CTDP1: variants seen among roughly 807,000 people sequenced by gnomAD.
CTDP1 encodes the protein RNA polymerase II subunit A C-terminal domain phosphatase.
A neutral mutation model predicts 91.8 loss-of-function variants in CTDP1; 47 were observed. The ratio of observed to expected loss-of-function variants is 0.51; its 90% CI spans 0.41 to 0.65. The LOEUF (loss-of-function observed/expected upper bound fraction) is 0.65. Among genes scored for constraint, CTDP1 ranks in the 30% least tolerant of loss-of-function variants. CTDP1 has a pLI of 0.00. For synonymous variants in CTDP1, 656 were observed against 598.5 expected (o/e 1.10, Z -1.40); for missense variants, 1,272 against 1,373.7 (o/e 0.93, Z 1.17).
At position 79,715,221 on chromosome 18, in the gene CTDP1, T is replaced by C. The variant is rs1599254666; in HGVS notation, c.1761T>C (p.Asp587=). The change falls in exon 8 of 13, where the codon GAT becomes GAC. Residue 587 remains aspartate (D), a synonymous_variant. Transcript: ENST00000613122. ...AGGAGGAGGAGGACACGGATGAGGA[T>C]GACCACCTCATCTACCTGGAGGAGA... ...EEEEEEDTDE[D]DHLIYLEEIL... 1.2e-6 allele frequency: 2 copies of C among 1,610,820 alleles called. No homozygotes were observed. Among genetic ancestry groups the C allele is most frequent in the East Asian group, 4.5e-5 (2 of 44,738 alleles).
At chr18:79,716,147 TC>T (rs1285054668) in intron 8 of CTDP1, among the ~76,000 whole-genome samples, 3 of 152,196 alleles carry the variant, frequency 2.0e-5, no homozygotes, top group African/African-American at 7.2e-5. Context: ...GTGAAAATGC[TC>T]CCATAAGCAC....
chr18:79,738,341 T>G (rs962632610), intron 12 of CTDP1, among the ~76,000 whole-genome samples: 3 of 152,250 alleles, frequency 2.0e-5, no homozygotes, highest in Admixed American at 6.5e-5. Flanking sequence ...TACAGACTTG[T>G]GTCCCGAGGA....
intron 10 of CTDP1, among the ~76,000 whole-genome samples, chr18:79,726,817 G>T (rs2073892555): frequency 7.1e-6 from 1 of 141,718 alleles, no homozygotes. Context: ...GCTGTTGCTG[G>T]TGGACGGCTG....
chr18:79,722,973 C>A (rs1176050872), intron 10 of CTDP1, among the ~76,000 whole-genome samples: 1 of 152,198 alleles, frequency 6.6e-6, no homozygotes, highest in African/African-American at 2.4e-5. Context: ...CCAAGAGTCC[C>A]CCCTGCTTGT....
At chr18:79,743,023 AT>A (rs2086809799) in intron 12 of CTDP1, among the ~76,000 whole-genome samples, 1 of 152,206 alleles carries the variant, frequency 6.6e-6, no homozygotes, top group Admixed American at 6.5e-5. Context: ...GAGATGTAAC[AT>A]TTGCCAGTAG....
chr18:79,697,010 GTCTA>G (rs975835340), intron 3 of CTDP1, among the ~76,000 whole-genome samples: 3 of 152,222 alleles, frequency 2.0e-5, no homozygotes, highest in Non-Finnish European at 4.4e-5. Context: ...ACCAATTTCA[GTCTA>G]TCTTTTTATG....
intron 12 of CTDP1, among the ~76,000 whole-genome samples, chr18:79,747,940 A>G (rs2086913860): frequency 6.6e-6 from 1 of 152,218 alleles, no homozygotes; most frequent in South Asian, 2.1e-4. Flanking sequence ...GTGACAGCCC[A>G]GTGTGTTTGG....
intron 10 of CTDP1, among the ~76,000 whole-genome samples, chr18:79,720,209 AGGCGTCCT>A (rs1357933248): frequency 7.1e-6 from 1 of 140,224 alleles, no homozygotes; most frequent in Non-Finnish European, 1.5e-5. Context: ...GTCGTTAGGA[AGGCGTCCT>A]GGTGATGCTG....
At chr18:79,746,182 T>A (rs1337471305) in intron 12 of CTDP1, among the ~76,000 whole-genome samples, 1 of 15,186 alleles carries the variant, frequency 6.6e-5, no homozygotes, top group African/African-American at 2.8e-4. Flanking sequence ...GCGCGTTCTG[T>A]CCCCGCGTCC....
intron 5 of CTDP1, among the ~76,000 whole-genome samples, chr18:79,707,509 G>A (rs191026531): frequency 9.5e-4 from 145 of 152,352 alleles, no homozygotes; most frequent in African/African-American, 3.2e-3. Flanking sequence ...TCACCGGGCC[G>A]TCTGGTGCCT....
At chr18:79,710,796 T>C (rs2086067524) in intron 6 of CTDP1, among the ~76,000 whole-genome samples, 1 of 144,314 alleles carries the variant, frequency 6.9e-6, no homozygotes, top group Admixed American at 7.4e-5. Context: ...TCTTCCCGCC[T>C]CAGCCTCCCA....
At chr18:79,719,766 CCAT>C (rs1420854103) in intron 10 of CTDP1, among the ~76,000 whole-genome samples, 1 of 146,868 alleles carries the variant, frequency 6.8e-6, no homozygotes. Context: ...CTGTCACCTC[CCAT>C]CATTAGGAAG....
At chr18:79,688,399 G>A (rs143642872) in intron 1 of CTDP1, among the ~76,000 whole-genome samples, 54 of 152,320 alleles carry the variant, frequency 3.5e-4, no homozygotes, top group African/African-American at 1.2e-3. Context: ...TGAGTAGCTG[G>A]GATTACAGGT....
chr18:79,714,699 C>A lies in CTDP1; in HGVS notation c.1239C>A (p.Pro413=). Residue 413 remains proline, a synonymous_variant, in exon 8 of 13, where the codon CCC becomes CCA. Transcript: ENST00000613122. ...ERDIWPPAQA[P]TSSQELAGAP... ...ACATCTGGCCCCCTGCCCAGGCCCC[C>A]ACCAGCAGCCAAGAGCTGGCAGGCG... 6.2e-7 allele frequency: 1 copy of A among 1,608,776 alleles called. No homozygotes were observed. Among genetic ancestry groups the A allele is most frequent in the Non-Finnish European group, 8.5e-7 (1 of 1,178,100 alleles).
In CTDP1 at chr18:79,722,057, C is replaced by T. The variant is rs79056705; in HGVS notation, c.2417+4041C>T. 6.5e-3 allele frequency among the ~76,000 whole-genome samples: 993 copies of T among 152,276 alleles called. 45 individuals are homozygous for T. The East Asian group carries it at 0.12, about 18-fold the overall frequency. On this transcript the variant is annotated intron_variant, in intron 10 of 12. Transcript: ENST00000613122. ...GAGGTTGGTCTCAAGCTCCTGTCCT[C>T]ATTGTCTTAAACTACATAAAGTGGT...
chr18:79,699,329 T>G (rs1400793813), intron 4 of CTDP1, among the ~76,000 whole-genome samples: 1 of 152,148 alleles, frequency 6.6e-6, no homozygotes. Flanking sequence ...GGCAGGATCT[T>G]GGCTCACTGC....
chr18:79,738,605 G>A (rs545504442), intron 12 of CTDP1, among the ~76,000 whole-genome samples: 2 of 152,352 alleles, frequency 1.3e-5, no homozygotes, highest in South Asian at 2.1e-4. Context: ...AGGCTCTCCT[G>A]TAGGTGAATA....
chr18:79,702,237 G>C (rs1365738764), intron 4 of CTDP1, among the ~76,000 whole-genome samples: 1 of 152,162 alleles, frequency 6.6e-6, no homozygotes, highest in Non-Finnish European at 1.5e-5. Flanking sequence ...GCCACCCCCA[G>C]CCTTCAGTAA....
chr18:79,737,382 C>G (rs1472291260), intron 12 of CTDP1, among the ~76,000 whole-genome samples: 1 of 152,158 alleles, frequency 6.6e-6, no homozygotes, highest in African/African-American at 2.4e-5. Flanking sequence ...TTGACCTTTT[C>G]TACATATGAA....
Sources: allele counts gnomAD v4.1 joint callset (sites outside exome capture counted in the v4.1 genomes callset), GRCh38; gene constraint gnomAD v4.1.1; transcripts MANE v1.5; gene names NCBI Gene and HGNC (gene_info 2026-07-23, HGNC 2026-07-21).